ANKS6: variants seen among roughly 807,000 people sequenced by gnomAD.
ANKS6 encodes ankyrin repeat and sterile alpha motif domain containing 6, also known as ankyrin repeat and SAM domain-containing protein 6.
A neutral mutation model predicts 77.9 loss-of-function variants in ANKS6; 47 were observed. That is an observed-to-expected ratio of 0.60 (90% CI 0.48 to 0.77). The LOEUF is 0.77. Among genes scored for constraint, ANKS6 ranks in the 30% least tolerant of loss-of-function variants. The pLI is 0.00. For synonymous variants in ANKS6, 488 were observed against 501.7 expected (o/e 0.97, Z 0.37); for missense variants, 1,150 against 1,159.1 (o/e 0.99, Z 0.11).
At position 98,796,549 on chromosome 9, in the gene ANKS6, C is replaced by T. The variant is rs1414116453; in HGVS notation, c.-58G>A. 1 of 952,082 alleles carries T rather than the reference C, an allele frequency of 1.1e-6. No homozygotes were observed. The highest frequency in any genetic ancestry group is 1.1e-4 in the East Asian group (1 of 8,700). The allele number at this position is 952,082 out of a possible 1,614,324, so 59.0% of individuals were successfully genotyped here. ...CCCCGCCGGCCGCGTCGGCTCCGCC[C>T]CCGGATACCGCCCGCAGGCGCCCCC... On this transcript the variant is annotated 5_prime_UTR_variant, in exon 1 of 15. Transcript: ENST00000353234.
At chr9:98,785,277 A>T (rs1259225677) in intron 2 of ANKS6, among the ~76,000 whole-genome samples, 2 of 152,238 alleles carry the variant, frequency 1.3e-5, no homozygotes, top group Non-Finnish European at 2.9e-5. Context: ...ATGTACAATC[A>T]TAATTCCAAA....
chr9:98,746,738 T>C (rs563498266), intron 13 of ANKS6, among the ~76,000 whole-genome samples: 2 of 152,266 alleles, frequency 1.3e-5, no homozygotes, highest in Non-Finnish European at 2.9e-5. Flanking sequence ...CATGGGCTTT[T>C]CCTGAGGGCA....
At chr9:98,782,383 C>A in intron 5 of ANKS6, 84 bp downstream of exon 5, 4 of 1,259,892 alleles carry the variant, frequency 3.2e-6, no homozygotes, top group Non-Finnish European at 4.6e-6. Flanking sequence ...GCTTAAAACA[C>A]AAGTCACAGA....
At position 98,735,034 on chromosome 9, in the gene ANKS6, G is replaced by C. The variant is rs1405603828; in HGVS notation, c.*1485C>G. ...TAGGGGAATGGGCTTTCATGGCTGG[G>C]GGAGGGACAGATGAGAGATGGCACC... On this transcript the variant is annotated 3_prime_UTR_variant, in exon 15 of 15. Transcript: ENST00000353234. 33 of 985,330 alleles carry C rather than the reference G, an allele frequency of 3.3e-5. No individual in the cohort carries two copies. The highest frequency in any genetic ancestry group is 3.7e-5 in the Non-Finnish European group (31 of 829,964). 61.0% of individuals were successfully genotyped at this position (985,330 alleles called of 1,614,324 possible). A position where few individuals can be genotyped will look rare whatever the true frequency, so the allele number is the denominator to read the frequency against.
chr9:98,756,010 AC>A (rs1265509575), intron 12 of ANKS6, among the ~76,000 whole-genome samples: 1 of 151,848 alleles, frequency 6.6e-6, no homozygotes, highest in African/African-American at 2.4e-5. Context: ...GTTGAAGCAC[AC>A]CCTAGACACT....
At chr9:98,738,377 C>G (rs886897932) in intron 14 of ANKS6, among the ~76,000 whole-genome samples, 1 of 151,800 alleles carries the variant, frequency 6.6e-6, no homozygotes, top group Non-Finnish European at 1.5e-5. Context: ...ATGAACTCAA[C>G]CAAATCAACA....
chr9:98,759,799 T>A (rs1203459770), intron 11 of ANKS6, among the ~76,000 whole-genome samples: 1 of 151,996 alleles, frequency 6.6e-6, no homozygotes, highest in Non-Finnish European at 1.5e-5. Context: ...AGATGATCAA[T>A]GTAAGTAAAA....
chr9:98,789,856 C>T (rs921489601), intron 2 of ANKS6: 3 of 466,780 alleles, frequency 6.4e-6, no homozygotes, highest in African/African-American at 3.9e-5. Context: ...TTGGGGAGAG[C>T]AGCCTTGTTA....
At chr9:98,766,330 T>C (rs1833288320) in intron 11 of ANKS6, among the ~76,000 whole-genome samples, 1 of 152,108 alleles carries the variant, frequency 6.6e-6, no homozygotes, top group African/African-American at 2.4e-5. Flanking sequence ...ATGCCTTATT[T>C]CCAATAAAAA....
At position 98,734,965 on chromosome 9, in the gene ANKS6, G is replaced by C; in HGVS notation, c.*1554C>G. ...CATCAGGGCAGGGGAAGAAAACTAC[G>C]AGGCTCTGGGCAGTAAGTTAACGAC... On this transcript the variant is annotated 3_prime_UTR_variant, in exon 15 of 15. Transcript: ENST00000353234. 1 of 985,382 alleles carries C rather than the reference G, an allele frequency of 1.0e-6. No individual in the cohort carries two copies. Among genetic ancestry groups the C allele is most frequent in the African/African-American group, 1.7e-5 (1 of 57,320 alleles). 61.0% of individuals were successfully genotyped at this position (985,382 alleles called of 1,614,324 possible). A position where few individuals can be genotyped will look rare whatever the true frequency, so the allele number is the denominator to read the frequency against.
rs117456920 is a variant in ANKS6, at chr9:98,743,864, C to T, written c.2511+1695G>A. Among the ~76,000 whole-genome samples the T allele has an allele frequency of 1.1e-3, 161 of 152,338 alleles. 3 individuals are homozygous for T. The East Asian group carries it at 0.03, about 28-fold the overall frequency. On this transcript the variant is annotated intron_variant, in intron 14 of 14. Transcript: ENST00000353234. ...GCTCTTCTTCATGAATAAATCAATGCCCCAGTCTTTAGAGACTGTTTTGGT... is the reference window on the plus strand; with the variant it reads ...GCTCTTCTTCATGAATAAATCAATGTCCCAGTCTTTAGAGACTGTTTTGGT...
At chr9:98,773,749 T>C in intron 9 of ANKS6, 128 bp downstream of exon 9, 1 of 714,494 alleles carries the variant, frequency 1.4e-6, no homozygotes, top group East Asian at 3.1e-5. Flanking sequence ...AAGGATATCA[T>C]CCATTCAAAA....
intron 9 of ANKS6, 73 bp from the exon 10 acceptor site, chr9:98,771,119 G>A (rs1833603356): frequency 1.0e-5 from 14 of 1,395,696 alleles, no homozygotes; most frequent in Non-Finnish European, 1.3e-5. Flanking sequence ...CACAGTGTGG[G>A]GGTTCCTGTG....
At chr9:98,778,879 G>C (rs1367124766) in intron 6 of ANKS6, among the ~76,000 whole-genome samples, 1 of 152,192 alleles carries the variant, frequency 6.6e-6, no homozygotes, top group African/African-American at 2.4e-5. Context: ...CTCTATACCA[G>C]GGCCTGGGCC....
intron 11 of ANKS6, among the ~76,000 whole-genome samples, chr9:98,760,027 T>C (rs572202620): frequency 6.6e-6 from 1 of 152,296 alleles, no homozygotes; most frequent in African/African-American, 2.4e-5. Flanking sequence ...ATGATGGATA[T>C]ATAATTACCC....
At chr9:98,752,991 T>C (rs1674321837) in intron 12 of ANKS6, among the ~76,000 whole-genome samples, 1 of 152,060 alleles carries the variant, frequency 6.6e-6, no homozygotes, top group South Asian at 2.1e-4. Flanking sequence ...TTGCTCCTGC[T>C]GTTCCCTACA....
intron 12 of ANKS6, 28 bp downstream of exon 12, chr9:98,756,392 T>TGGGGTTTCAGGCCCTCA (rs760190731): frequency 6.2e-7 from 1 of 1,603,294 alleles, no homozygotes; most frequent in African/African-American, 1.3e-5. Flanking sequence ...GAGGAATAGG[T>TGGGGTTTCAGGCCCTCA]GGGGTTTCAG....
At position 98,796,501 on chromosome 9, in the gene ANKS6, C is replaced by A. The variant is rs1406735126; in HGVS notation, c.-10G>T. Reference sequence around the variant, plus strand: ...GCCCGCCCTCGCCCATCGCCGCCGCCACGCGCGGCCCGCTCCCGTCCGCCC... The same window carrying A: ...GCCCGCCCTCGCCCATCGCCGCCGCAACGCGCGGCCCGCTCCCGTCCGCCC... On this transcript the variant is annotated 5_prime_UTR_variant, in exon 1 of 15. Transcript: ENST00000353234. 1.0e-6 allele frequency: 1 copy of A among 987,502 alleles called. No individual in the cohort carries two copies. Among genetic ancestry groups the A allele is most frequent in the Non-Finnish European group, 1.2e-6 (1 of 832,704 alleles). 61.2% of individuals were successfully genotyped at this position (987,502 alleles called of 1,614,324 possible). A position where few individuals can be genotyped will look rare whatever the true frequency, so the allele number is the denominator to read the frequency against.
At chr9:98,736,731 G>A (rs1831521819) in intron 14 of ANKS6, 108 bp from the exon 15 acceptor site, 2 of 1,332,908 alleles carry the variant, frequency 1.5e-6, no homozygotes, top group African/African-American at 2.9e-5. Flanking sequence ...AAAAACCCAT[G>A]GGCGTCTTGG....
Sources: allele counts gnomAD v4.1 joint callset (sites outside exome capture counted in the v4.1 genomes callset), GRCh38; gene constraint gnomAD v4.1.1; transcripts MANE v1.5; gene names NCBI Gene and HGNC (gene_info 2026-07-23, HGNC 2026-07-21).